The following CACNB4 variants were observed in gnomAD, a reference collection of about 807,000 sequenced individuals.
The protein encoded by CACNB4 is voltage-dependent L-type calcium channel subunit beta-4.
Under a neutral mutation model 71.2 loss-of-function variants are expected in CACNB4, and 32 were observed. The ratio of observed to expected loss-of-function variants is 0.45; its 90% CI spans 0.34 to 0.60. CACNB4 has a LOEUF of 0.60. Among genes scored for constraint, CACNB4 ranks in the 20% least tolerant of loss-of-function variants. The pLI is 0.01. For missense variants in CACNB4, 464 were observed against 647.9 expected, an observed-to-expected ratio of 0.72 and a Z score of 3.08; for synonymous variants, 231 against 236.9, an observed-to-expected ratio of 0.97 and a Z score of 0.23.
chr2:151,984,740 C>A (rs1222690491), intron 2 of CACNB4, among the ~76,000 whole-genome samples: 1 of 152,128 alleles, frequency 6.6e-6, no homozygotes, highest in East Asian at 1.9e-4. Flanking sequence ...CCTAACATCA[C>A]ACAACTCTGA....
At chr2:152,018,565 A>T (rs72621651) in intron 2 of CACNB4, among the ~76,000 whole-genome samples, 29,586 of 151,980 alleles carry the variant, frequency 0.19, 4,130 homozygotes, top group East Asian at 0.73. Flanking sequence ...CACTTTGGGA[A>T]GCTGAGGCAG....
At chr2:152,062,703 T>C (rs183128299) in intron 2 of CACNB4, among the ~76,000 whole-genome samples, 2 of 152,146 alleles carry the variant, frequency 1.3e-5, no homozygotes, top group African/African-American at 2.4e-5. Context: ...TCTCCCATCA[T>C]GGCAAGACAG....
At chr2:152,002,192 T>TG (rs1286968205) in intron 2 of CACNB4, among the ~76,000 whole-genome samples, 1 of 152,254 alleles carries the variant, frequency 6.6e-6, no homozygotes, top group Non-Finnish European at 1.5e-5. Context: ...GTGGCTGACT[T>TG]GCAGTACAGC....
Position 152,036,140 on chromosome 2 carries a change from G to A in CACNB4, c.147+62190C>T, listed in dbSNP as rs183682624. On this transcript the variant is annotated intron_variant, in intron 2 of 13. Transcript: ENST00000539935. ...TCTTAGAAGTAGAAAATATAATGTG[G>A]TTGCCAAGCACCGGGAGGAGGTGGT... Among the ~76,000 whole-genome samples, 455 of 152,282 alleles carry A rather than the reference G, an allele frequency of 3.0e-3. 3 individuals carry two copies. The highest frequency in any genetic ancestry group is 0.01 in the African/African-American group (417 of 41,542).
intron 7 of CACNB4, 41 bp from the exon 8 acceptor site, chr2:151,870,652 A>G (rs774528753): frequency 3.6e-5 from 53 of 1,491,428 alleles, no homozygotes; most frequent in Non-Finnish European, 4.4e-5. Context: ...GGTGAGGTTG[A>G]GCATGCCTCT....
At chr2:151,883,098 T>C in intron 3 of CACNB4, 153 bp downstream of exon 3, 1 of 702,916 alleles carries the variant, frequency 1.4e-6, no homozygotes, top group Non-Finnish European at 2.4e-6. Flanking sequence ...CTAACCTCAC[T>C]TAGAGGTGAA....
intron 2 of CACNB4, among the ~76,000 whole-genome samples, chr2:152,084,482 C>A (rs1240234891): frequency 6.6e-6 from 1 of 152,152 alleles, no homozygotes; most frequent in Non-Finnish European, 1.5e-5. Flanking sequence ...TTACTGGACT[C>A]AGAAAAAATG....
chr2:151,914,852 T>C (rs2099857056), intron 2 of CACNB4, among the ~76,000 whole-genome samples: 3 of 152,302 alleles, frequency 2.0e-5, no homozygotes, highest in Admixed American at 2.0e-4. Flanking sequence ...GGATGCCTGG[T>C]CCTTCTTCTG....
At chr2:152,046,255 A>AT (rs1475994217) in intron 2 of CACNB4, among the ~76,000 whole-genome samples, 1 of 152,216 alleles carries the variant, frequency 6.6e-6, no homozygotes, top group Admixed American at 6.5e-5. Flanking sequence ...CCTTTTCTAT[A>AT]TGTGAGCACA....
At chr2:151,989,920 G>T (rs954573244) in intron 2 of CACNB4, among the ~76,000 whole-genome samples, 3 of 152,004 alleles carry the variant, frequency 2.0e-5, no homozygotes, top group Non-Finnish European at 4.4e-5. Flanking sequence ...CTGACTTTAT[G>T]TTCTGTTGGT....
chr2:151,872,933 T>C (rs1032514984), intron 5 of CACNB4: 1 of 153,334 alleles, frequency 6.5e-6, no homozygotes, highest in African/African-American at 2.4e-5. Flanking sequence ...TCACGAAAAA[T>C]ATTATTTATT....
At chr2:152,073,383 A>G (rs1358804330) in intron 2 of CACNB4, among the ~76,000 whole-genome samples, 1 of 152,110 alleles carries the variant, frequency 6.6e-6, no homozygotes, top group Admixed American at 6.5e-5. Context: ...ATATACCTAG[A>G]AGCATCCTCC....
chr2:152,017,016 T>C (rs1363595314), intron 2 of CACNB4, among the ~76,000 whole-genome samples: 1 of 138,926 alleles, frequency 7.2e-6, no homozygotes, highest in African/African-American at 3.5e-5. Context: ...CAGGTGTTGC[T>C]CTTTAGAGTT....
In CACNB4 at chr2:152,064,968, C is replaced by T. The variant is rs1444536862; in HGVS notation, c.147+33362G>A. On this transcript the variant is annotated intron_variant, in intron 2 of 13. Coordinates refer to ENST00000539935, the MANE Select transcript of CACNB4 (RefSeq NM_000726.5). ...TTCACAATCAGCTGCTACACAGCAG[C>T]GCTCCTATGAAACTTCAAGACCAGC... Among the ~76,000 whole-genome samples, 6 of 152,188 alleles carry T rather than the reference C, an allele frequency of 3.9e-5. No individual in the cohort carries two copies. The South Asian group carries it at 8.3e-4, about 21-fold the overall frequency.
intron 2 of CACNB4, among the ~76,000 whole-genome samples, chr2:152,050,877 T>C (rs1026986093): frequency 6.6e-6 from 1 of 152,086 alleles, no homozygotes; most frequent in Non-Finnish European, 1.5e-5. Flanking sequence ...CGGGTTCAAG[T>C]GATCCTTCTG....
In CACNB4 at chr2:152,087,899, CAG is replaced by C. The variant is rs1026818576; in HGVS notation, c.147+10429_147+10430del. Among the ~76,000 whole-genome samples, 210 of 151,850 alleles carry C rather than the reference CAG, an allele frequency of 1.4e-3. 2 individuals carry two copies. Among genetic ancestry groups the C allele is most frequent in the Admixed American group, 0.011 (168 of 15,212 alleles). On this transcript the variant is annotated intron_variant, in intron 2 of 13. Coordinates refer to ENST00000539935, the MANE Select transcript of CACNB4 (RefSeq NM_000726.5). ...GACCCTGTCTAAAAAAAGAAAGAGA[CAG>C]AGAAAAAGAAAAAATCTGAAGCCAG...
At chr2:152,086,298 G>A (rs1197090537) in intron 2 of CACNB4, among the ~76,000 whole-genome samples, 1 of 152,166 alleles carries the variant, frequency 6.6e-6, no homozygotes, top group Non-Finnish European at 1.5e-5. Flanking sequence ...CCCTATCAGA[G>A]TCCTCAACAA....
At chr2:152,089,020 A>G (rs565829725) in intron 2 of CACNB4, among the ~76,000 whole-genome samples, 1 of 152,366 alleles carries the variant, frequency 6.6e-6, no homozygotes, top group South Asian at 2.1e-4. Context: ...TCTATAATTC[A>G]GCTTTTTCAT....
rs79693647 is a variant in CACNB4 at position 152,051,739 on chromosome 2, A to C, written c.147+46591T>G. On this transcript the variant is annotated intron_variant, in intron 2 of 13. Transcript: ENST00000539935. Reference sequence around the variant, plus strand: ...TAACTTTCTGTTGTTTAAGCCACCCATCTATGGTAATTTGTCATGGCAGCC... The same window carrying C: ...TAACTTTCTGTTGTTTAAGCCACCCCTCTATGGTAATTTGTCATGGCAGCC... Among the ~76,000 whole-genome samples the C allele has an allele frequency of 4.5e-3, 680 of 152,286 alleles. 3 individuals carry two copies. The highest frequency in any genetic ancestry group is 0.016 in the African/African-American group (651 of 41,546).
Sources: allele counts gnomAD v4.1 joint callset (sites outside exome capture counted in the v4.1 genomes callset), GRCh38; gene constraint gnomAD v4.1.1; transcripts MANE v1.5; gene names NCBI Gene and HGNC (gene_info 2026-07-23, HGNC 2026-07-21).